The following DGKI variants were observed in gnomAD, a reference collection of about 807,000 sequenced individuals.
DGKI encodes diacylglycerol kinase iota.
DGKI carries 55 observed loss-of-function variants against 147.5 expected under a neutral mutation model. The ratio of observed to expected loss-of-function variants is 0.37; its 90% confidence interval spans 0.30 to 0.47. DGKI has a LOEUF of 0.47. Ranked by LOEUF, DGKI falls within the 20% of genes least tolerant of loss-of-function variation. The probability of loss-of-function intolerance (pLI) is 1.00; values close to 1 mark genes in which losing one functional copy is unlikely to be tolerated. For missense variants in DGKI, 1,007 were observed against 1,323.8 expected (o/e 0.76, Z 3.71); for synonymous variants, 469 against 477.1 (o/e 0.98, Z 0.22).
chr7:137,575,505 T>C (rs1818940092), intron 17 of DGKI, among the ~76,000 whole-genome samples: 1 of 152,188 alleles, frequency 6.6e-6, no homozygotes. Flanking sequence ...CCACCCAGCA[T>C]GCACTGGGTC....
At chr7:137,657,246 T>C (rs562233131) in intron 3 of DGKI, among the ~76,000 whole-genome samples, 43 of 152,302 alleles carry the variant, frequency 2.8e-4, no homozygotes, top group African/African-American at 1.0e-3. Flanking sequence ...CACAACCCTA[T>C]GAAACAGGCC....
intron 21 of DGKI, among the ~76,000 whole-genome samples, chr7:137,512,093 C>T (rs1816598839): frequency 6.6e-6 from 1 of 152,116 alleles, no homozygotes; most frequent in Non-Finnish European, 1.5e-5. Flanking sequence ...CAGTCTGTTT[C>T]CCCAGAAACT....
At chr7:137,687,867 G>T (rs550436317) in intron 2 of DGKI, among the ~76,000 whole-genome samples, 3 of 152,224 alleles carry the variant, frequency 2.0e-5, no homozygotes, top group African/African-American at 7.2e-5. Flanking sequence ...CCAAGATGGG[G>T]TACCTAAAAT....
In DGKI at chr7:137,609,171, G is replaced by A. The variant is rs1820281763; in HGVS notation, c.1069-107C>T. The A allele has an allele frequency of 1.0e-5, 8 of 803,138 alleles. No homozygotes were observed. The East Asian group carries it at 2.1e-4, about 21-fold the overall frequency. The allele number at this position is 803,138 out of a possible 1,614,324, so 49.8% of individuals were successfully genotyped here. The stretch of plus-strand genomic sequence containing the variant: ...CCAATAATACATTTTGTTTCCCAGG[G>A]CTGACTCTTAACACGACTTCCATGT... On this transcript the variant is annotated intron_variant, in intron 9 of 32. Transcript: ENST00000614521.
rs569863573 is a variant in DGKI, at chr7:137,556,774, A to C, written c.1948-4206T>G. Among the ~76,000 whole-genome samples the C allele has an allele frequency of 2.0e-5, 3 of 152,364 alleles. No homozygotes were observed. In the East Asian group the frequency reaches 5.8e-4, roughly 29 times the overall value. ...TAATGTACCAATTCAATGTAATTCA[A>C]ATTAAAATAATAGAAATACTATTTT... On this transcript the variant is annotated intron_variant, in intron 19 of 32. Coordinates refer to ENST00000614521, the MANE Select transcript of DGKI (RefSeq NM_001321708.2).
At chr7:137,429,110 A>C (rs985049041) in intron 28 of DGKI, among the ~76,000 whole-genome samples, 3 of 152,216 alleles carry the variant, frequency 2.0e-5, no homozygotes, top group Non-Finnish European at 4.4e-5. Context: ...TCCTAAGCCA[A>C]AAGAACAAAG....
In DGKI at chr7:137,846,437, TCGG is replaced by T. The variant is rs1798733774; in HGVS notation, c.401+22_401+24del. 2 of 1,547,694 alleles carry T rather than the reference TCGG, an allele frequency of 1.3e-6. No individual in the cohort carries two copies. The highest frequency in any genetic ancestry group is 2.8e-5 in the African/African-American group (2 of 71,880). ...GGTCTCCCGCCGCGGCGCACCTGTCTCGGCTGCCGGCTCCCCGCACCTACCTGT... is the reference window on the plus strand; with the variant it reads ...GGTCTCCCGCCGCGGCGCACCTGTCTCTGCCGGCTCCCCGCACCTACCTGT... On this transcript the variant is annotated intron_variant, in intron 1 of 32. Transcript: ENST00000614521. This position sits in a 1 kb window ranked among gnomAD's most constrained non-coding sequence, Gnocchi z 4.0.
intron 20 of DGKI, among the ~76,000 whole-genome samples, chr7:137,551,141 A>T (rs186343641): frequency 1.3e-5 from 2 of 152,300 alleles, no homozygotes; most frequent in Admixed American, 1.3e-4. Context: ...TCTAGGAAAA[A>T]TTCTGGGGGA....
intron 1 of DGKI, among the ~76,000 whole-genome samples, chr7:137,762,547 A>C (rs1795889688): frequency 6.6e-6 from 1 of 152,188 alleles, no homozygotes; most frequent in African/African-American, 2.4e-5. Context: ...ATGTTGTCTC[A>C]CACCCAGGTC....
chr7:137,829,571 A>T (rs1798160757), intron 1 of DGKI, among the ~76,000 whole-genome samples: 1 of 152,228 alleles, frequency 6.6e-6, no homozygotes, highest in South Asian at 2.1e-4. Flanking sequence ...GCCCTTATTT[A>T]CTCAATGTGT....
In DGKI at chr7:137,778,598, TA is replaced by T. The variant is rs201060028; in HGVS notation, c.401+67863del. On this transcript the variant is annotated intron_variant, in intron 1 of 32. Transcript: ENST00000614521. Reference sequence around the variant, plus strand: ...ATAACAATTTTTAGATCTGGACAATTAAAAAAAAAAACTACTCAAAGGCACT... The same window carrying T: ...ATAACAATTTTTAGATCTGGACAATTAAAAAAAAAACTACTCAAAGGCACT... Among the ~76,000 whole-genome samples, 961 of 145,204 alleles carry T rather than the reference TA, an allele frequency of 6.6e-3. 3 individuals carry two copies. The highest frequency in any genetic ancestry group is 1.0e-2 in the Non-Finnish European group (654 of 65,716).
intron 12 of DGKI, among the ~76,000 whole-genome samples, chr7:137,595,376 A>T (rs1306796942): frequency 6.6e-6 from 1 of 152,176 alleles, no homozygotes; most frequent in Non-Finnish European, 1.5e-5. Flanking sequence ...CTCTATTGAA[A>T]CTGCTTTCTT....
intron 2 of DGKI, among the ~76,000 whole-genome samples, chr7:137,680,639 G>A (rs1368902055): frequency 2.0e-5 from 3 of 152,080 alleles, no homozygotes; most frequent in Non-Finnish European, 4.4e-5. Context: ...AATTTGCCAG[G>A]CATGGTGGCA....
chr7:137,753,888 T>TA (rs1274279350), intron 1 of DGKI, among the ~76,000 whole-genome samples: 3 of 151,560 alleles, frequency 2.0e-5, no homozygotes, highest in South Asian at 4.2e-4. Flanking sequence ...GGCATATAAA[T>TA]AAAAAAAGGA....
chr7:137,604,264 C>T (rs1200160081), intron 10 of DGKI, among the ~76,000 whole-genome samples: 1 of 152,212 alleles, frequency 6.6e-6, no homozygotes, highest in African/African-American at 2.4e-5. Flanking sequence ...AGGGAGCCTG[C>T]ACTTTTATCT....
In DGKI at chr7:137,846,383, G is replaced by A; in HGVS notation, c.401+79C>T. 2.0e-6 allele frequency: 2 copies of A among 987,112 alleles called. No individual in the cohort carries two copies. The highest frequency in any genetic ancestry group is 1.4e-6 in the Non-Finnish European group (1 of 733,684). The allele number at this position is 987,112 out of a possible 1,614,324, so 61.1% of individuals were successfully genotyped here. On this transcript the variant is annotated intron_variant, in intron 1 of 32. Transcript: ENST00000614521. The surrounding 1 kb of genome is among the most constrained non-coding windows in gnomAD (Gnocchi z 4.0). ...GAAACAGAGAGGTGCCCAACTCCGC[G>A]GAAGCGCCCCTTGCTGGGTAGAAGA... is the stretch of plus-strand genomic sequence containing the variant.
chr7:137,487,071 G>A (rs766784327), intron 22 of DGKI, among the ~76,000 whole-genome samples: 25 of 152,096 alleles, frequency 1.6e-4, no homozygotes, highest in Non-Finnish European at 2.8e-4. Context: ...ATTTATGGGA[G>A]TGCCATATAC....
chr7:137,708,444 T>C (rs1204812003), intron 1 of DGKI, among the ~76,000 whole-genome samples: 1 of 152,244 alleles, frequency 6.6e-6, no homozygotes, highest in Non-Finnish European at 1.5e-5. Context: ...ATGTCTGGCC[T>C]TAACCACTGG....
chr7:137,764,100 A>G (rs902829104), intron 1 of DGKI, among the ~76,000 whole-genome samples: 4 of 152,192 alleles, frequency 2.6e-5, no homozygotes, highest in Non-Finnish European at 5.9e-5. Flanking sequence ...GAGCCCACGA[A>G]TATTTACTAA....
Sources: gnomAD v4.1 joint callset for allele counts (sites outside exome capture counted in the v4.1 genomes callset) on GRCh38, gnomAD v4.1.1 for gene constraint, Gnocchi (gnomAD v3.1) non-coding constraint, MANE v1.5 for transcripts, NCBI Gene and HGNC (gene_info 2026-07-23, HGNC 2026-07-21) for gene names.